Variants in ERBB4 observed in about 807,000 individuals in gnomAD.
ERBB4 encodes the protein erb-b2 receptor tyrosine kinase 4, also known as receptor tyrosine-protein kinase erbB-4.
Under a neutral mutation model 158.0 loss-of-function variants are expected in ERBB4, and 42 were observed. The ratio of observed to expected loss-of-function variants is 0.27; its 90% CI spans 0.21 to 0.34. The LOEUF (loss-of-function observed/expected upper bound fraction) is 0.34. Ranked by LOEUF, ERBB4 falls within the 10% of genes least tolerant of loss-of-function variation. ERBB4 has a pLI of 1.00. For synonymous variants in ERBB4, 583 were observed against 558.7 expected (o/e 1.04, Z -0.61); for missense variants, 1,333 against 1,624.1 (o/e 0.82, Z 3.08).
At chr2:211,740,576 C>T (rs1208153133) in intron 5 of ERBB4, among the ~76,000 whole-genome samples, 1 of 151,066 alleles carries the variant, frequency 6.6e-6, no homozygotes, top group Non-Finnish European at 1.5e-5. Flanking sequence ...CCCTTCCTAT[C>T]CTCTTTCATC....
chr2:211,866,902 C>A (rs1390429485), intron 3 of ERBB4, among the ~76,000 whole-genome samples: 1 of 151,374 alleles, frequency 6.6e-6, no homozygotes, highest in Non-Finnish European at 1.5e-5. Flanking sequence ...AAAAGGGGGA[C>A]CTCCTCTTTC....
At chr2:212,507,732 G>C (rs1691272991) in intron 1 of ERBB4, among the ~76,000 whole-genome samples, 1 of 152,124 alleles carries the variant, frequency 6.6e-6, no homozygotes, top group Non-Finnish European at 1.5e-5. Context: ...TCTTATGGAT[G>C]AACAAAGAAA....
intron 2 of ERBB4, among the ~76,000 whole-genome samples, chr2:212,049,978 A>G (rs2077356885): frequency 6.6e-6 from 1 of 152,196 alleles, no homozygotes; most frequent in Non-Finnish European, 1.5e-5. Flanking sequence ...CAATTTAGGT[A>G]AAAGGTTGGA....
intron 2 of ERBB4, among the ~76,000 whole-genome samples, chr2:212,092,227 C>T (rs897672617): frequency 1.4e-4 from 22 of 152,140 alleles, no homozygotes; most frequent in African/African-American, 4.8e-4. Context: ...GGGAATTATA[C>T]ATAGTTATTA....
intron 3 of ERBB4, among the ~76,000 whole-genome samples, chr2:211,906,666 C>T (rs1320296602): frequency 9.3e-5 from 14 of 151,244 alleles, no homozygotes; most frequent in Admixed American, 8.6e-4. Flanking sequence ...AAGCCTAGTA[C>T]CCAATATTTA....
chr2:211,537,750 G>A (rs1227854920), intron 20 of ERBB4, among the ~76,000 whole-genome samples: 1 of 151,870 alleles, frequency 6.6e-6, no homozygotes, highest in Non-Finnish European at 1.5e-5. Context: ...AATACAGGCT[G>A]AATTGAGTTA....
intron 1 of ERBB4, among the ~76,000 whole-genome samples, chr2:212,247,295 A>C (rs1265112635): frequency 1.3e-5 from 2 of 152,172 alleles, no homozygotes; most frequent in African/African-American, 4.8e-5. Flanking sequence ...GAAAACATTT[A>C]GAATTGCACC....
chr2:212,229,836 C>G (rs1026857142), intron 1 of ERBB4, among the ~76,000 whole-genome samples: 1 of 152,158 alleles, frequency 6.6e-6, no homozygotes, highest in African/African-American at 2.4e-5. Context: ...AAACGAGTCC[C>G]ATTTTCCTGA....
At chr2:212,384,263 C>G (rs2090602125) in intron 1 of ERBB4, among the ~76,000 whole-genome samples, 1 of 151,640 alleles carries the variant, frequency 6.6e-6, no homozygotes, top group Admixed American at 6.6e-5. Context: ...TGTAACACCT[C>G]ATCAAAATTC....
chr2:212,477,445 C>T (rs879576827), intron 1 of ERBB4, among the ~76,000 whole-genome samples: 7 of 152,120 alleles, frequency 4.6e-5, no homozygotes, highest in African/African-American at 7.2e-5. Flanking sequence ...CCCTCAGGAC[C>T]ACAAACACTT....
intron 1 of ERBB4, among the ~76,000 whole-genome samples, chr2:212,404,411 A>G (rs997189028): frequency 5.3e-5 from 8 of 152,036 alleles, no homozygotes; most frequent in Non-Finnish European, 1.2e-4. Flanking sequence ...TCACTCATTT[A>G]TCCATCTGTT....
chr2:212,289,209 T>C (rs1217052239), intron 1 of ERBB4, among the ~76,000 whole-genome samples: 1 of 152,202 alleles, frequency 6.6e-6, no homozygotes, highest in Non-Finnish European at 1.5e-5. Flanking sequence ...TTTTTTAAAA[T>C]GAATATAATA....
intron 1 of ERBB4, among the ~76,000 whole-genome samples, chr2:212,302,202 A>G (rs1398891024): frequency 6.6e-6 from 1 of 151,480 alleles, no homozygotes; most frequent in Non-Finnish European, 1.5e-5. Context: ...CTTCTTCAAT[A>G]AACTTCACTG....
chr2:211,677,600 C>T (rs984140133), intron 13 of ERBB4, among the ~76,000 whole-genome samples: 11 of 149,180 alleles, frequency 7.4e-5, no homozygotes, highest in East Asian at 2.0e-4. Flanking sequence ...AGAGGCCAGG[C>T]GCAGTGGCTT....
intron 4 of ERBB4, among the ~76,000 whole-genome samples, chr2:211,761,279 C>T (rs932213761): frequency 6.6e-6 from 1 of 150,984 alleles, no homozygotes; most frequent in African/African-American, 2.4e-5. Flanking sequence ...TTAATCTTCA[C>T]ACTTCCTAAC....
chr2:212,300,239 G>A (rs1159777594), intron 1 of ERBB4, among the ~76,000 whole-genome samples: 1 of 151,546 alleles, frequency 6.6e-6, no homozygotes, highest in Non-Finnish European at 1.5e-5. Flanking sequence ...CCCTTCTGCT[G>A]AACAGTCCCC....
intron 1 of ERBB4, among the ~76,000 whole-genome samples, chr2:212,328,168 A>ATGTT (rs948682876): frequency 6.6e-6 from 1 of 151,912 alleles, no homozygotes; most frequent in African/African-American, 2.4e-5. Flanking sequence ...GGCTTCAATC[A>ATGTT]TGTTTGGAAC....
rs1019663731 is a variant in ERBB4 at position 211,676,488 on chromosome 2, A to G, written c.1622+2564T>C. Among the ~76,000 whole-genome samples the G allele has an allele frequency of 3.3e-5, 5 of 152,186 alleles. No individual in the cohort carries two copies. The South Asian group carries it at 1.0e-3, about 32-fold the overall frequency. On this transcript the variant is annotated intron_variant, in intron 13 of 27. Coordinates refer to ENST00000342788, the MANE Select transcript of ERBB4 (RefSeq NM_005235.3). The stretch of plus-strand genomic sequence containing the variant: ...AAATGAGATAGAAACTGGTGTATAC[A>G]TACACATGTTTATAAATTTCATATT...
chr2:212,434,609 G>C (rs375290205), intron 1 of ERBB4, among the ~76,000 whole-genome samples: 26 of 151,856 alleles, frequency 1.7e-4, no homozygotes, highest in African/African-American at 5.6e-4. Context: ...TACACACAGA[G>C]AGACACGTTC....
Sources: allele counts gnomAD v4.1 joint callset (sites outside exome capture counted in the v4.1 genomes callset), GRCh38; gene constraint gnomAD v4.1.1; transcripts MANE v1.5; gene names NCBI Gene and HGNC (gene_info 2026-07-23, HGNC 2026-07-21).